The following ACOT7 variants were observed in gnomAD, a reference collection of about 807,000 sequenced individuals.
ACOT7 encodes cytosolic acyl coenzyme A thioester hydrolase.
Under a neutral mutation model 40.2 loss-of-function variants are expected in ACOT7, and 12 were observed. The observed-to-expected ratio is 0.30, with a 90% CI of 0.19 to 0.48. The LOEUF (loss-of-function observed/expected upper bound fraction) is 0.48. Ranked by LOEUF, ACOT7 falls within the 20% of genes least tolerant of loss-of-function variation. The probability of loss-of-function intolerance (pLI) is 0.99; values close to 1 mark genes in which losing one functional copy is unlikely to be tolerated. For synonymous variants in ACOT7, 228 were observed against 219.5 expected (o/e 1.04, Z -0.34); for missense variants, 395 against 530.8 (o/e 0.74, Z 2.51).
chr1:6,381,598 G>T (rs1322385863), intron 1 of ACOT7, among the ~76,000 whole-genome samples: 1 of 151,796 alleles, frequency 6.6e-6, no homozygotes, highest in Admixed American at 6.6e-5. Context: ...ATGTAAAATG[G>T]CATAGCCGCT....
chr1:6,341,922 A>T (rs1346076683), intron 2 of ACOT7, among the ~76,000 whole-genome samples: 1 of 152,138 alleles, frequency 6.6e-6, no homozygotes, highest in African/African-American at 2.4e-5. Context: ...CTCCGCATCT[A>T]CAACCACATG....
At chr1:6,375,557 C>T (rs577488467) in intron 1 of ACOT7, among the ~76,000 whole-genome samples, 1 of 151,778 alleles carries the variant, frequency 6.6e-6, no homozygotes, top group East Asian at 1.9e-4. Context: ...TAATTCCAGC[C>T]CTTTGGGAGG....
intron 1 of ACOT7, among the ~76,000 whole-genome samples, chr1:6,373,055 T>C (rs960792111): frequency 3.3e-5 from 5 of 152,240 alleles, no homozygotes; most frequent in African/African-American, 1.2e-4. Flanking sequence ...CTGTCTTACA[T>C]GGACGTGGTT....
chr1:6,389,115 A>G (rs1642492238), intron 1 of ACOT7, among the ~76,000 whole-genome samples: 1 of 151,842 alleles, frequency 6.6e-6, no homozygotes, highest in African/African-American at 2.4e-5. Context: ...TTCTAACCCC[A>G]TAACATACTG....
At chr1:6,391,454 T>C (rs984816429) in intron 1 of ACOT7, among the ~76,000 whole-genome samples, 15 of 152,148 alleles carry the variant, frequency 9.9e-5, no homozygotes, top group African/African-American at 3.6e-4. Context: ...TGCAGTGAGC[T>C]GAGATCGGGC....
chr1:6,323,731 AAAAAAAATATATATATATATATAT>A (rs1454374822), intron 5 of ACOT7, among the ~76,000 whole-genome samples: 1 of 90,152 alleles, frequency 1.1e-5, no homozygotes, highest in Non-Finnish European at 2.1e-5. Flanking sequence ...AAAAAAAAAA[AAAAAAAATATATATATATATATAT>A]ATATATATAT....
At chr1:6,305,384 C>A (rs1206092451) in intron 6 of ACOT7, among the ~76,000 whole-genome samples, 1 of 149,726 alleles carries the variant, frequency 6.7e-6, no homozygotes, top group Admixed American at 6.6e-5. Context: ...GGCTGACCCC[C>A]CCACCTCCCT....
chr1:6,368,731 A>G (rs534779622), intron 1 of ACOT7, among the ~76,000 whole-genome samples: 18 of 152,298 alleles, frequency 1.2e-4, no homozygotes, highest in Non-Finnish European at 2.6e-4. Flanking sequence ...GCCTGGGAGC[A>G]GGTCCTGCCT....
intron 2 of ACOT7, among the ~76,000 whole-genome samples, chr1:6,342,834 C>T (rs1223126985): frequency 6.6e-6 from 1 of 152,188 alleles, no homozygotes; most frequent in Non-Finnish European, 1.5e-5. Context: ...AAGTGTTTCT[C>T]GGAACAGCAG....
chr1:6,379,116 G>C (rs542053383), intron 1 of ACOT7, among the ~76,000 whole-genome samples: 1 of 151,846 alleles, frequency 6.6e-6, no homozygotes, highest in Non-Finnish European at 1.5e-5. Context: ...GGATGGTCCC[G>C]ATCTCCTGAC....
chr1:6,317,856 C>A (rs1356027068), intron 6 of ACOT7, among the ~76,000 whole-genome samples: 1 of 151,604 alleles, frequency 6.6e-6, no homozygotes, highest in Non-Finnish European at 1.5e-5. Context: ...CTCAGCCTCC[C>A]GAGTAGCTGG....
At chr1:6,279,678 C>T (rs1639297535) in intron 8 of ACOT7, among the ~76,000 whole-genome samples, 1 of 152,220 alleles carries the variant, frequency 6.6e-6, no homozygotes, top group South Asian at 2.1e-4. Flanking sequence ...GCCCACCCGA[C>T]CTGGGAGAGG....
chr1:6,363,432 T>C (rs936362830), intron 1 of ACOT7, among the ~76,000 whole-genome samples: 2 of 152,168 alleles, frequency 1.3e-5, no homozygotes. Context: ...CAGTCAGGCC[T>C]GCCCGCAGTT....
intron 5 of ACOT7, among the ~76,000 whole-genome samples, chr1:6,325,115 T>C (rs190112263): frequency 6.6e-6 from 1 of 152,354 alleles, no homozygotes; most frequent in East Asian, 1.9e-4. Flanking sequence ...AAAAGATATC[T>C]CAGCCGGGCG....
At chr1:6,362,749 A>G (rs1641917652) in intron 1 of ACOT7, among the ~76,000 whole-genome samples, 1 of 151,902 alleles carries the variant, frequency 6.6e-6, no homozygotes, top group Admixed American at 6.6e-5. Flanking sequence ...GCTCAATGTG[A>G]AAAAAACAAA....
chr1:6,376,759 G>C (rs180931664), intron 1 of ACOT7, among the ~76,000 whole-genome samples: 1,680 of 151,224 alleles, frequency 0.011, 32 homozygotes, highest in African/African-American at 0.039. Flanking sequence ...AGCTGGGCGT[G>C]GTGGTGGGCA....
intron 1 of ACOT7, among the ~76,000 whole-genome samples, chr1:6,365,266 G>C (rs1281914033): frequency 6.6e-6 from 1 of 152,136 alleles, no homozygotes; most frequent in Non-Finnish European, 1.5e-5. Flanking sequence ...TCTCGGTCTT[G>C]ATTGTGGTGA....
chr1:6,264,456 T>G lies in ACOT7; in HGVS notation c.*141A>C. ...TAGGTTTGCAGGAGAGAGTACAGGT[T>G]AACACTGTGATACGAAAACTTCAGA... is the stretch of plus-strand genomic sequence containing the variant. On this transcript the variant is annotated 3_prime_UTR_variant, in exon 9 of 9. Coordinates refer to ENST00000361521, the MANE Select transcript of ACOT7 (RefSeq NM_007274.4). 1 of 690,972 alleles carries G rather than the reference T, an allele frequency of 1.4e-6. No individual in the cohort carries two copies. The highest frequency in any genetic ancestry group is 2.4e-6 in the Non-Finnish European group (1 of 412,140). 42.8% of individuals were successfully genotyped at this position (690,972 alleles called of 1,614,324 possible). A position where few individuals can be genotyped will look rare whatever the true frequency, so the allele number is the denominator to read the frequency against.
Position 6,333,550 on chromosome 1 carries a change from T to C in ACOT7, c.437A>G (p.Asn146Ser). Residue 146 changes from asparagine (N) to serine (S), a missense_variant, in exon 4 of 9, where the codon AAT becomes AGT. By Grantham distance (46) the Asn-to-Ser change is conservative. Coordinates refer to ENST00000361521, the MANE Select transcript of ACOT7 (RefSeq NM_007274.4). ...NILTGAKKLT[N>S]KATLWYVPLS... ...GGGCACATACCACAGGGTGGCCTTATTGGTCAGCTTTTTGGCACCTTAAGA... is the reference window on the plus strand; with the variant it reads ...GGGCACATACCACAGGGTGGCCTTACTGGTCAGCTTTTTGGCACCTTAAGA... 6.2e-7 allele frequency: 1 copy of C among 1,614,208 alleles called. No individual in the cohort carries two copies. Among genetic ancestry groups the C allele is most frequent in the African/African-American group, 1.3e-5 (1 of 75,062 alleles).
Sources: gnomAD v4.1 joint callset for allele counts (sites outside exome capture counted in the v4.1 genomes callset) on GRCh38, gnomAD v4.1.1 for gene constraint, MANE v1.5 for transcripts, NCBI Gene and HGNC (gene_info 2026-07-23, HGNC 2026-07-21) for gene names.